PCM1: variants seen among roughly 807,000 people sequenced by gnomAD.
The protein encoded by PCM1 is pericentriolar material 1 protein.
Under a neutral mutation model 241.9 loss-of-function variants are expected in PCM1, and 157 were observed. The ratio of observed to expected loss-of-function variants is 0.65; its 90% confidence interval spans 0.57 to 0.74. The LOEUF (loss-of-function observed/expected upper bound fraction) is 0.74. Among genes scored for constraint, PCM1 ranks in the 30% least tolerant of loss-of-function variants. The pLI, the probability that PCM1 is intolerant of heterozygous loss-of-function variation, is 0.00. For synonymous variants in PCM1, 1,085 were observed against 784.9 expected (o/e 1.38, Z -6.39); for missense variants, 3,478 against 2,360.1 (o/e 1.47, Z -9.81).
chr8:17,961,420 C>A (rs529682172), intron 15 of PCM1, among the ~76,000 whole-genome samples: 114 of 146,474 alleles, frequency 7.8e-4, no homozygotes, highest in South Asian at 1.9e-3. Context: ...ACGCCATTCT[C>A]CTGCCTCAGC....
At chr8:17,924,972 G>C (rs942297486) in intron 2 of PCM1, 192 bp downstream of exon 2, 9 of 152,116 alleles carry the variant, frequency 5.9e-5, no homozygotes, top group South Asian at 2.1e-4. Context: ...ATCTTTGTTC[G>C]GAAAGGCCCT....
At chr8:17,926,995 G>C (rs2057238470) in intron 2 of PCM1, 2 of 152,142 alleles carry the variant, frequency 1.3e-5, no homozygotes, top group Non-Finnish European at 2.9e-5. Flanking sequence ...GAATGAAGTA[G>C]AAAGTGAAAC....
At position 17,980,747 on chromosome 8, in the gene PCM1, T is replaced by C; in HGVS notation, c.4100T>C (p.Ile1367Thr). ...KIIKCNRSTE[I>T]SSETGSDFSM... ...ATAAAATGTAATAGGTCTACAGAAA[T>C]ATCTTCAGGTATGTTCTTTTTTGGT... is the stretch of plus-strand genomic sequence containing the variant. The change falls in exon 24 of 39, where the codon ATA (isoleucine) becomes ACA (threonine). Residue 1367 changes from isoleucine (I) to threonine (T), a missense_variant. By Grantham distance (89) the Ile-to-Thr change is moderately conservative. Transcript: ENST00000325083. 6.2e-7 allele frequency: 1 copy of C among 1,603,908 alleles called. No individual in the cohort carries two copies. The highest frequency in any genetic ancestry group is 8.5e-7 in the Non-Finnish European group (1 of 1,176,360).
At chr8:17,954,783 A>G (rs973858513) in intron 9 of PCM1, among the ~76,000 whole-genome samples, 4 of 152,236 alleles carry the variant, frequency 2.6e-5, no homozygotes, top group African/African-American at 7.2e-5. Context: ...CATGATTTAT[A>G]TTTGATAGTA....
chr8:17,977,153 A>T (rs994690064), intron 23 of PCM1, among the ~76,000 whole-genome samples: 1 of 152,192 alleles, frequency 6.6e-6, no homozygotes, highest in Admixed American at 6.5e-5. Context: ...AGATCATTGT[A>T]TGTTATTAAA....
chr8:17,953,178 A>G lies in PCM1; in HGVS notation c.1280A>G (p.Asn427Ser), dbSNP rs1416748211. 2 of 1,545,914 alleles carry G rather than the reference A, an allele frequency of 1.3e-6. No individual in the cohort carries two copies. The highest frequency in any genetic ancestry group is 8.8e-7 in the Non-Finnish European group (1 of 1,135,764). ...ACACTTCGAGATCAGCATCTTAACAATTCATCATGTGAGTAAATCTGGTTC... is the reference window on the plus strand; with the variant it reads ...ACACTTCGAGATCAGCATCTTAACAGTTCATCATGTGAGTAAATCTGGTTC... ...LHTLRDQHLNNSSSSPQRSVD... is the reference protein window; with the variant it reads ...LHTLRDQHLNSSSSSPQRSVD... Residue 427 changes from asparagine to serine, a missense_variant, in exon 9 of 39, where the codon AAT (asparagine) becomes AGT (serine). Coordinates refer to ENST00000325083, the MANE Select transcript of PCM1 (RefSeq NM_006197.4).
chr8:17,976,328 G>A (rs971948315), intron 23 of PCM1, among the ~76,000 whole-genome samples: 1 of 152,218 alleles, frequency 6.6e-6, no homozygotes, highest in African/African-American at 2.4e-5. Context: ...CCCTTGAATG[G>A]TGGGACACCC....
At chr8:17,929,877 A>G (rs766644048) in intron 2 of PCM1, among the ~76,000 whole-genome samples, 5 of 152,218 alleles carry the variant, frequency 3.3e-5, no homozygotes, top group Non-Finnish European at 5.9e-5. Context: ...TCACAACAGT[A>G]TACTGTAATA....
chr8:17,985,312 T>G (rs1411199573), intron 24 of PCM1, 135 bp from the exon 25 acceptor site: 9 of 553,482 alleles, frequency 1.6e-5, no homozygotes, highest in Middle Eastern at 4.7e-4. Context: ...TTTTCTACTT[T>G]AAAAGCTCTG....
intron 7 of PCM1, among the ~76,000 whole-genome samples, chr8:17,947,942 A>C (rs532191020): frequency 6.6e-6 from 1 of 152,292 alleles, no homozygotes; most frequent in South Asian, 2.1e-4. Flanking sequence ...AATTAGATGA[A>C]AGTTGTGTTG....
chr8:17,989,383 T>A (rs1032997882), intron 26 of PCM1, among the ~76,000 whole-genome samples: 1 of 152,024 alleles, frequency 6.6e-6, no homozygotes, highest in African/African-American at 2.4e-5. Flanking sequence ...TCAAAACTCA[T>A]CAAACTGTAC....
intron 29 of PCM1, among the ~76,000 whole-genome samples, chr8:18,005,467 T>C (rs1443318727): frequency 1.3e-5 from 2 of 151,756 alleles, no homozygotes; most frequent in Admixed American, 6.6e-5. Context: ...TTTATAGATA[T>C]GTATTGGTGG....
Position 17,986,031 on chromosome 8 carries a change from T to C in PCM1, c.4354T>C (p.Trp1452Arg). ...ENVKSVNSGTWIASNSELTPS... is the reference protein window; with the variant it reads ...ENVKSVNSGTRIASNSELTPS... ...TGTAAAGTCAGTAAACTCTGGTACTTGGATAGCATCAAACTCAGAACTTAC... is the reference window on the plus strand; with the variant it reads ...TGTAAAGTCAGTAAACTCTGGTACTCGGATAGCATCAAACTCAGAACTTAC... The change falls in exon 26 of 39, where the codon TGG becomes CGG. Residue 1452 changes from tryptophan to arginine, a missense_variant. Coordinates refer to ENST00000325083, the MANE Select transcript of PCM1 (RefSeq NM_006197.4). 11 of 1,601,518 alleles carry C rather than the reference T, an allele frequency of 6.9e-6. No individual in the cohort carries two copies. The highest frequency in any genetic ancestry group is 8.5e-6 in the Non-Finnish European group (10 of 1,171,230).
At chr8:17,963,029 A>C in intron 16 of PCM1, 72 bp from the exon 17 acceptor site, 2 of 1,024,218 alleles carry the variant, frequency 2.0e-6, no homozygotes, top group Non-Finnish European at 2.9e-6. Context: ...TGACAATACT[A>C]GTAGTCTTTT....
At chr8:17,934,031 T>C (rs183723249) in intron 2 of PCM1, among the ~76,000 whole-genome samples, 1 of 152,252 alleles carries the variant, frequency 6.6e-6, no homozygotes, top group Admixed American at 6.5e-5. Flanking sequence ...AAATTAATAC[T>C]TCGTTGAATT....
chr8:17,955,454 G>C lies in PCM1; in HGVS notation c.1289-16G>C. ...TGGTGATTAAAAAAAATTTTTTGTTGTTGTGCCTTCTTCAGCCTCTCCACA... is the reference window on the plus strand; with the variant it reads ...TGGTGATTAAAAAAAATTTTTTGTTCTTGTGCCTTCTTCAGCCTCTCCACA... On this transcript the variant is annotated splice_polypyrimidine_tract_variant and intron_variant, in intron 9 of 38. Transcript: ENST00000325083. The C allele has an allele frequency of 6.5e-7, 1 of 1,544,030 alleles. No individual in the cohort carries two copies. Among genetic ancestry groups the C allele is most frequent in the Non-Finnish European group, 8.7e-7 (1 of 1,146,816 alleles).
intron 26 of PCM1, among the ~76,000 whole-genome samples, chr8:17,988,610 A>G (rs1319101844): frequency 6.6e-6 from 1 of 151,942 alleles, no homozygotes. Context: ...AAATAATCCC[A>G]GTATATATAT....
At chr8:18,006,480 G>A (rs942880557) in intron 30 of PCM1, 83 bp downstream of exon 30, 12 of 855,342 alleles carry the variant, frequency 1.4e-5, no homozygotes, top group Middle Eastern at 2.4e-4. Context: ...GCATTTTCTT[G>A]CATTACACAA....
chr8:17,988,815 G>A (rs1015945806), intron 26 of PCM1, among the ~76,000 whole-genome samples: 2 of 151,934 alleles, frequency 1.3e-5, no homozygotes, highest in African/African-American at 2.4e-5. Context: ...ACAATAAGAA[G>A]TGTTGGTGAG....
Sources: allele counts gnomAD v4.1 joint callset (sites outside exome capture counted in the v4.1 genomes callset), GRCh38; gene constraint gnomAD v4.1.1; transcripts MANE v1.5; gene names NCBI Gene and HGNC (gene_info 2026-07-23, HGNC 2026-07-21).